Variants in MAPK10 observed in about 807,000 individuals in gnomAD.
The protein encoded by MAPK10 is JNK3 alpha protein kinase.
MAPK10 carries 25 observed loss-of-function variants against 59.3 expected under a neutral mutation model. That is an observed-to-expected ratio of 0.42 (90% CI 0.31 to 0.59). The LOEUF (loss-of-function observed/expected upper bound fraction) is 0.59. Ranked by LOEUF, MAPK10 falls within the 20% of genes least tolerant of loss-of-function variation. MAPK10 has a pLI of 0.15. For synonymous variants in MAPK10, 190 were observed against 200.5 expected (o/e 0.95, Z 0.44); for missense variants, 351 against 568.9 (o/e 0.62, Z 3.90).
chr4:86,106,961 T>A (rs2056658654), intron 5 of MAPK10: 1 of 211,542 alleles, frequency 4.7e-6, no homozygotes, highest in Non-Finnish European at 9.3e-6. Flanking sequence ...TGGAGCAAGA[T>A]AACCAAATAT....
At chr4:86,310,285 G>C (rs775515157) in intron 2 of MAPK10, among the ~76,000 whole-genome samples, 7 of 152,154 alleles carry the variant, frequency 4.6e-5, no homozygotes, top group South Asian at 2.1e-4. Flanking sequence ...TCCTGAGGCT[G>C]TGTCACAGGC....
At chr4:86,212,797 C>T (rs1416126156) in intron 2 of MAPK10, among the ~76,000 whole-genome samples, 2 of 151,928 alleles carry the variant, frequency 1.3e-5, no homozygotes, top group Non-Finnish European at 2.9e-5. Flanking sequence ...CTTCAACATG[C>T]TATTCTAAAT....
chr4:86,231,934 G>T (rs1347572213), intron 2 of MAPK10, among the ~76,000 whole-genome samples: 2 of 152,138 alleles, frequency 1.3e-5, no homozygotes, highest in African/African-American at 4.8e-5. Context: ...TAGACATTAG[G>T]CTATATATAA....
intron 3 of MAPK10, among the ~76,000 whole-genome samples, chr4:86,181,261 G>C (rs2076885660): frequency 6.6e-6 from 1 of 152,038 alleles, no homozygotes; most frequent in African/African-American, 2.4e-5. Context: ...TCAACGAGTA[G>C]ATAAGGAGCC....
At chr4:86,100,128 C>T (rs2055063198) in intron 8 of MAPK10, 1 of 152,048 alleles carries the variant, frequency 6.6e-6, no homozygotes, top group South Asian at 2.1e-4. Flanking sequence ...CTTATTAATA[C>T]AGACTGCTAA....
chr4:86,102,234 T>A (rs542537388), intron 6 of MAPK10: 1 of 462,246 alleles, frequency 2.2e-6, no homozygotes, highest in African/African-American at 1.9e-5. Context: ...AGAAAAAGCA[T>A]TTATTAATGT....
chr4:86,078,449 C>A (rs1364856437), intron 9 of MAPK10, among the ~76,000 whole-genome samples: 1 of 152,104 alleles, frequency 6.6e-6, no homozygotes, highest in Non-Finnish European at 1.5e-5. Context: ...TTCTGCCCCT[C>A]ATCATCTGTG....
chr4:86,071,562 T>C (rs867458642), intron 9 of MAPK10, among the ~76,000 whole-genome samples: 4 of 148,718 alleles, frequency 2.7e-5, no homozygotes, highest in Admixed American at 6.7e-5. Flanking sequence ...CTTGAATTGA[T>C]TTTTGTATAA....
intron 2 of MAPK10, among the ~76,000 whole-genome samples, chr4:86,208,269 G>A (rs980235715): frequency 1.6e-4 from 24 of 151,016 alleles, no homozygotes; most frequent in Non-Finnish European, 2.9e-4. Context: ...TACCAAAGCC[G>A]GGCAGAGACA....
chr4:86,197,562 T>C (rs1473271275), intron 2 of MAPK10, among the ~76,000 whole-genome samples: 1 of 152,098 alleles, frequency 6.6e-6, no homozygotes, highest in Non-Finnish European at 1.5e-5. Context: ...TCTTAAAATG[T>C]AGCATGCAGA....
chr4:86,056,418 T>C (rs1378851708), intron 11 of MAPK10, among the ~76,000 whole-genome samples: 1 of 150,174 alleles, frequency 6.7e-6, no homozygotes, highest in Non-Finnish European at 1.5e-5. Flanking sequence ...CAAAGTACAT[T>C]GCTTCTAGTT....
intron 1 of MAPK10, among the ~76,000 whole-genome samples, chr4:86,446,306 C>T (rs749023988): frequency 3.3e-5 from 5 of 152,032 alleles, no homozygotes; most frequent in African/African-American, 4.8e-5. Context: ...TTCATAGATG[C>T]CATAGGTATC....
chr4:86,482,697 T>C (rs1753699487), intron 1 of MAPK10, among the ~76,000 whole-genome samples: 1 of 152,176 alleles, frequency 6.6e-6, no homozygotes, highest in Non-Finnish European at 1.5e-5. Context: ...AATTGAAGCA[T>C]ATCATAATCA....
intron 1 of MAPK10, among the ~76,000 whole-genome samples, chr4:86,401,000 T>C (rs1743635479): frequency 6.6e-6 from 1 of 152,166 alleles, no homozygotes; most frequent in Non-Finnish European, 1.5e-5. Context: ...ATTTTCTCAG[T>C]TAATAAATTG....
At chr4:86,128,775 T>C (rs2060511674) in intron 4 of MAPK10, among the ~76,000 whole-genome samples, 1 of 152,214 alleles carries the variant, frequency 6.6e-6, no homozygotes, top group East Asian at 1.9e-4. Context: ...ACAACACATA[T>C]TGGAAAAATT....
intron 2 of MAPK10, among the ~76,000 whole-genome samples, chr4:86,232,185 A>C (rs1429866770): frequency 6.6e-6 from 1 of 152,224 alleles, no homozygotes; most frequent in Non-Finnish European, 1.5e-5. Context: ...TTACAAAAAC[A>C]GCTGGTAGAC....
chr4:86,209,454 G>A (rs550340908), intron 2 of MAPK10, among the ~76,000 whole-genome samples: 10 of 152,086 alleles, frequency 6.6e-5, no homozygotes, highest in East Asian at 5.8e-4. Context: ...TTGAAGGCTC[G>A]CAATTTCTAG....
intron 1 of MAPK10, among the ~76,000 whole-genome samples, chr4:86,481,390 A>G (rs933278104): frequency 9.2e-5 from 14 of 151,640 alleles, no homozygotes; most frequent in Non-Finnish European, 1.6e-4. Context: ...GAACCCCAAC[A>G]TGGCCACAGA....
At chr4:86,322,874 A>G (rs969932414) in intron 2 of MAPK10, among the ~76,000 whole-genome samples, 4 of 152,226 alleles carry the variant, frequency 2.6e-5, no homozygotes, top group Admixed American at 2.6e-4. Flanking sequence ...GAAGAAAATC[A>G]TCCATTTTAA....
Sources: gnomAD v4.1 joint callset for allele counts (sites outside exome capture counted in the v4.1 genomes callset) on GRCh38, gnomAD v4.1.1 for gene constraint, MANE v1.5 for transcripts, NCBI Gene and HGNC (gene_info 2026-07-23, HGNC 2026-07-21) for gene names.